Variants in ST8SIA6 observed in about 807,000 individuals in gnomAD.
ST8SIA6 encodes the protein ST8 alpha-N-acetyl-neuraminide alpha-2,8-sialyltransferase 6.
Under a neutral mutation model 33.6 loss-of-function variants are expected in ST8SIA6, and 39 were observed. The observed-to-expected ratio is 1.16, with a 90% CI of 0.90 to 1.52. The LOEUF is 1.52. Among genes scored for constraint, ST8SIA6 ranks in the 40% most tolerant of loss-of-function variants. The pLI, the probability that ST8SIA6 is intolerant of heterozygous loss-of-function variation, is 0.00. For missense variants in ST8SIA6, 441 were observed against 443.8 expected (o/e 0.99, Z 0.06); for synonymous variants, 172 against 167.2 (o/e 1.03, Z -0.22).
chr10:17,346,144 C>T (rs359312), intron 4 of ST8SIA6, among the ~76,000 whole-genome samples: 6,331 of 152,266 alleles, frequency 0.042, 748 homozygotes, highest in East Asian at 0.41. Flanking sequence ...AAGCTCAAGT[C>T]ACATATGGAG....
intron 3 of ST8SIA6, among the ~76,000 whole-genome samples, chr10:17,379,642 C>A (rs185927207): frequency 1.3e-5 from 2 of 152,284 alleles, no homozygotes; most frequent in East Asian, 3.9e-4. Context: ...AGTTCCCTCC[C>A]TGCTTGGAGG....
At chr10:17,410,732 G>GA (rs1350738256) in intron 2 of ST8SIA6, 3 of 151,978 alleles carry the variant, frequency 2.0e-5, no homozygotes, top group African/African-American at 4.8e-5. Context: ...TAAGACACTA[G>GA]AAAAAAATCA....
chr10:17,411,563 C>T (rs1851451441), intron 2 of ST8SIA6, among the ~76,000 whole-genome samples: 1 of 152,202 alleles, frequency 6.6e-6, no homozygotes, highest in Admixed American at 6.5e-5. Flanking sequence ...TAAAATGCCC[C>T]ACTGTTATTT....
intron 3 of ST8SIA6, among the ~76,000 whole-genome samples, chr10:17,375,714 T>A (rs1417642917): frequency 6.6e-6 from 1 of 152,224 alleles, no homozygotes; most frequent in Non-Finnish European, 1.5e-5. Context: ...TGAATACAAG[T>A]GAGCCCACCA....
At chr10:17,328,738 G>T (rs1848210889) in intron 5 of ST8SIA6, among the ~76,000 whole-genome samples, 1 of 152,152 alleles carries the variant, frequency 6.6e-6, no homozygotes, top group Non-Finnish European at 1.5e-5. Flanking sequence ...CTCACTAGGT[G>T]GCTCTGTGAA....
chr10:17,380,984 G>T (rs80150278), intron 3 of ST8SIA6, among the ~76,000 whole-genome samples: 8 of 136,876 alleles, frequency 5.8e-5, no homozygotes, highest in Admixed American at 1.5e-4. Flanking sequence ...GTTTTGAGGG[G>T]TTTTTTTTGT....
chr10:17,334,006 C>T (rs1308348171), intron 4 of ST8SIA6, among the ~76,000 whole-genome samples: 1 of 148,404 alleles, frequency 6.7e-6, no homozygotes, highest in Non-Finnish European at 1.5e-5. Flanking sequence ...CAGGCGTGAG[C>T]CACTGCACCT....
intron 3 of ST8SIA6, among the ~76,000 whole-genome samples, chr10:17,389,642 A>C (rs532309906): frequency 1.3e-5 from 2 of 152,180 alleles, no homozygotes; most frequent in South Asian, 4.2e-4. Context: ...AGCGCAGGGG[A>C]AGCTGAGGGA....
At position 17,317,961 on chromosome 10, in the gene ST8SIA6, C is replaced by T. The variant is rs193188347; in HGVS notation, c.*2917G>A. 1.2e-4 allele frequency among the ~76,000 whole-genome samples: 18 copies of T among 152,248 alleles called. No individual in the cohort carries two copies. Among genetic ancestry groups the T allele is most frequent in the Middle Eastern group, 3.4e-3 (1 of 294 alleles). On this transcript the variant is annotated 3_prime_UTR_variant, in exon 8 of 8. Coordinates refer to ENST00000377602, the MANE Select transcript of ST8SIA6 (RefSeq NM_001004470.3). ...AGGATGTTCGAGGATTATTACACTGCGCAAAAATTAACACTATGCAATTGA... is the reference window on the plus strand; with the variant it reads ...AGGATGTTCGAGGATTATTACACTGTGCAAAAATTAACACTATGCAATTGA...
chr10:17,380,918 CGT>C (rs796272662), intron 3 of ST8SIA6, among the ~76,000 whole-genome samples: 53 of 70,512 alleles, frequency 7.5e-4, no homozygotes, highest in East Asian at 3.2e-3. Flanking sequence ...TGTGTTTGTG[CGT>C]GTGTGTGTGT....
chr10:17,352,874 T>C (rs976694835), intron 4 of ST8SIA6, among the ~76,000 whole-genome samples: 10 of 152,014 alleles, frequency 6.6e-5, no homozygotes, highest in African/African-American at 2.2e-4. Context: ...TGCTGAAAAA[T>C]GGTCTTGATG....
chr10:17,417,873 A>T (rs905181601), intron 2 of ST8SIA6, among the ~76,000 whole-genome samples: 1 of 152,208 alleles, frequency 6.6e-6, no homozygotes, highest in African/African-American at 2.4e-5. Context: ...AGACTTGGAG[A>T]AATCTGTTGT....
rs149539070 is a variant in ST8SIA6, at chr10:17,363,388, A to G, written c.291-3788T>C. 2.9e-4 allele frequency among the ~76,000 whole-genome samples: 44 copies of G among 152,346 alleles called. 1 individual carries two copies. Among genetic ancestry groups the G allele is most frequent in the South Asian group, 6.2e-4 (3 of 4,830 alleles). ...CCATCTTCCTTTTTGAGCTCCCTCAATAATGATCAATGTAGAACTTGCCAA... is the reference window on the plus strand; with the variant it reads ...CCATCTTCCTTTTTGAGCTCCCTCAGTAATGATCAATGTAGAACTTGCCAA... On this transcript the variant is annotated intron_variant, in intron 3 of 7. Coordinates refer to ENST00000377602, the MANE Select transcript of ST8SIA6 (RefSeq NM_001004470.3).
chr10:17,352,935 A>T (rs747590050), intron 4 of ST8SIA6, among the ~76,000 whole-genome samples: 14 of 152,066 alleles, frequency 9.2e-5, no homozygotes, highest in Non-Finnish European at 1.5e-5. Flanking sequence ...GACCCAAATC[A>T]CCTATCATAA....
intron 2 of ST8SIA6, among the ~76,000 whole-genome samples, chr10:17,432,470 A>C (rs7911736): frequency 1.3e-5 from 2 of 151,674 alleles, no homozygotes; most frequent in Non-Finnish European, 2.9e-5. Context: ...TCAAGAGACT[A>C]CCTGCGTTTA....
chr10:17,329,692 T>A (rs1848237099), intron 5 of ST8SIA6, among the ~76,000 whole-genome samples: 1 of 152,204 alleles, frequency 6.6e-6, no homozygotes, highest in African/African-American at 2.4e-5. Flanking sequence ...ATAAGGAATG[T>A]TTTTCTCTGG....
intron 2 of ST8SIA6, among the ~76,000 whole-genome samples, chr10:17,449,067 A>G (rs969657287): frequency 2.0e-5 from 3 of 151,868 alleles, no homozygotes; most frequent in African/African-American, 7.2e-5. Context: ...TAAACAGTTT[A>G]GAATGTATTT....
At chr10:17,339,785 C>T (rs1412563202) in intron 4 of ST8SIA6, among the ~76,000 whole-genome samples, 2 of 152,142 alleles carry the variant, frequency 1.3e-5, no homozygotes, top group African/African-American at 2.4e-5. Context: ...TTAATATTCT[C>T]ATTTTATAGA....
chr10:17,332,791 G>C (rs1448554426), intron 4 of ST8SIA6, among the ~76,000 whole-genome samples: 1 of 152,178 alleles, frequency 6.6e-6, no homozygotes, highest in Non-Finnish European at 1.5e-5. Context: ...CTGTGGTTTT[G>C]AATTGCATTT....
Sources: allele counts gnomAD v4.1 joint callset (sites outside exome capture counted in the v4.1 genomes callset), GRCh38; gene constraint gnomAD v4.1.1; transcripts MANE v1.5; gene names NCBI Gene and HGNC (gene_info 2026-07-23, HGNC 2026-07-21).